The following TMX4 variants were observed in gnomAD, a reference collection of about 807,000 sequenced individuals.
TMX4 encodes the protein thioredoxin-related transmembrane protein 4.
A neutral mutation model predicts 33.3 loss-of-function variants in TMX4; 23 were observed. The observed-to-expected ratio is 0.69, with a 90% CI of 0.50 to 0.98. TMX4 has a LOEUF of 0.98. Among genes scored for constraint, TMX4 ranks in the 50% least tolerant of loss-of-function variants. The pLI is 0.00. For synonymous variants in TMX4, 164 were observed against 161.5 expected, an observed-to-expected ratio of 1.02 and a Z score of -0.12; for missense variants, 399 against 448.9, an observed-to-expected ratio of 0.89 and a Z score of 1.01.
intron 6 of TMX4, among the ~76,000 whole-genome samples, chr20:7,985,853 G>A (rs916987235): frequency 6.6e-6 from 1 of 152,108 alleles, no homozygotes; most frequent in Admixed American, 6.6e-5. Flanking sequence ...GTTTCCAAAG[G>A]AATCTAAGGC....
At position 7,992,504 on chromosome 20, in the gene TMX4, C is replaced by T. The variant is rs530690420; in HGVS notation, c.513+3522G>A. Among the ~76,000 whole-genome samples, 46 of 152,288 alleles carry T rather than the reference C, an allele frequency of 3.0e-4. 1 individual carries two copies. The highest frequency in any genetic ancestry group is 6.8e-3 in the Middle Eastern group (2 of 294). On this transcript the variant is annotated intron_variant, in intron 5 of 7. Transcript: ENST00000246024. ...CGAGGATCCCTGGGATTCAGGGTAA[C>T]AGCAGGAAGCTGACAGGAACTGCCT... is the stretch of plus-strand genomic sequence containing the variant.
At chr20:8,011,943 A>G (rs1200008731) in intron 1 of TMX4, among the ~76,000 whole-genome samples, 2 of 152,172 alleles carry the variant, frequency 1.3e-5, no homozygotes, top group Non-Finnish European at 2.9e-5. Context: ...GGCAAAGTAC[A>G]TTCTTGATAT....
In TMX4 at chr20:8,019,753, G is replaced by C. The variant is rs2050806759; in HGVS notation, c.-140C>G. On this transcript the variant is annotated 5_prime_UTR_variant, in exon 1 of 8. Transcript: ENST00000246024. Reference sequence around the variant, plus strand: ...CGCCTACGCCTAGCGGCGCAGACTGGCGGTGCTCGCAATGCCGCGGAGGAC... The same window carrying C: ...CGCCTACGCCTAGCGGCGCAGACTGCCGGTGCTCGCAATGCCGCGGAGGAC... The C allele has an allele frequency of 2.8e-6, 2 of 707,284 alleles. No homozygotes were observed. Among genetic ancestry groups the C allele is most frequent in the Non-Finnish European group, 4.0e-6 (2 of 504,914 alleles). 43.8% of individuals were successfully genotyped at this position (707,284 alleles called of 1,614,324 possible).
At chr20:8,015,782 A>G (rs767281824) in intron 1 of TMX4, among the ~76,000 whole-genome samples, 2 of 152,240 alleles carry the variant, frequency 1.3e-5, no homozygotes, top group Non-Finnish European at 1.5e-5. Context: ...TAGATGTCCT[A>G]TGGAAATAAA....
intron 1 of TMX4, among the ~76,000 whole-genome samples, chr20:8,017,552 C>CA (rs535293265): frequency 7.3e-5 from 11 of 150,228 alleles, no homozygotes; most frequent in African/African-American, 2.2e-4. Flanking sequence ...ATTCTATTAC[C>CA]AAAAAAAAAG....
At chr20:8,012,210 T>C (rs769096040) in intron 1 of TMX4, among the ~76,000 whole-genome samples, 12 of 152,128 alleles carry the variant, frequency 7.9e-5, no homozygotes, top group Non-Finnish European at 1.6e-4. Context: ...GAATTAATCA[T>C]GATATTCTGG....
Position 7,982,624 on chromosome 20 carries a change from A to G in TMX4, c.680-3T>C, listed in dbSNP as rs759168790. ...CTCCTCTGATCTCCGATTCTGCTCT[A>G]TGGAGGGAAGAAAGAGGAATATCCT... On this transcript the variant is annotated splice_polypyrimidine_tract_variant and splice_region_variant and intron_variant, in intron 7 of 7. Coordinates refer to ENST00000246024, the MANE Select transcript of TMX4 (RefSeq NM_021156.4). The G allele has an allele frequency of 1.9e-6, 3 of 1,605,414 alleles. No homozygotes were observed. Among genetic ancestry groups the G allele is most frequent in the South Asian group, 2.2e-5 (2 of 90,202 alleles).
At chr20:7,996,199 T>C in intron 4 of TMX4, 128 bp from the exon 5 acceptor site, 1 of 673,318 alleles carries the variant, frequency 1.5e-6, no homozygotes, top group South Asian at 2.0e-5. Context: ...CCCAGATTCA[T>C]ATCTGTTCTT....
chr20:8,000,608 C>T (rs1412180439), intron 3 of TMX4, among the ~76,000 whole-genome samples: 1 of 152,202 alleles, frequency 6.6e-6, no homozygotes, highest in Non-Finnish European at 1.5e-5. Flanking sequence ...TTCCTTCACT[C>T]ACTGTCTTCC....
At chr20:8,010,814 G>C (rs1037929588) in intron 1 of TMX4, among the ~76,000 whole-genome samples, 3 of 152,134 alleles carry the variant, frequency 2.0e-5, no homozygotes, top group Non-Finnish European at 4.4e-5. Context: ...TTCTGAAAAG[G>C]AAAGTAGAAG....
At chr20:8,005,813 C>G (rs958824174) in intron 2 of TMX4, among the ~76,000 whole-genome samples, 2 of 152,192 alleles carry the variant, frequency 1.3e-5, no homozygotes, top group South Asian at 4.1e-4. Flanking sequence ...TGGAGGACAG[C>G]CCAGCCGCTG....
chr20:7,999,955 C>T (rs1036094074), intron 3 of TMX4, 95 bp from the exon 4 acceptor site: 81 of 1,327,876 alleles, frequency 6.1e-5, no homozygotes, highest in Non-Finnish European at 7.1e-5. Flanking sequence ...TACATCTGAA[C>T]GCCATCTGAA....
At chr20:8,002,445 A>T (rs1291737167) in intron 2 of TMX4, among the ~76,000 whole-genome samples, 2 of 152,246 alleles carry the variant, frequency 1.3e-5, no homozygotes, top group East Asian at 1.9e-4. Flanking sequence ...GAATGAGACT[A>T]GGAGTAAAGA....
At chr20:7,989,164 T>C (rs2050643472) in intron 5 of TMX4, among the ~76,000 whole-genome samples, 1 of 152,180 alleles carries the variant, frequency 6.6e-6, no homozygotes. Flanking sequence ...TAGAAAATAC[T>C]GTGTATTAAG....
intron 3 of TMX4, among the ~76,000 whole-genome samples, 159 bp from the exon 4 acceptor site, chr20:8,000,019 A>G (rs2050697650): frequency 6.6e-6 from 1 of 152,214 alleles, no homozygotes; most frequent in Admixed American, 6.5e-5. Context: ...GAAAGAGTTA[A>G]TAAGCTTTAC....
In TMX4 at chr20:7,994,012, A is replaced by C. The variant is rs192147334; in HGVS notation, c.513+2014T>G. ...TAATCAAAAGGTTGAAAATAGAAAA[A>C]TTACTCCATGCAAATGCTTATAAAA... On this transcript the variant is annotated intron_variant, in intron 5 of 7. Transcript: ENST00000246024. Among the ~76,000 whole-genome samples, 4 of 152,158 alleles carry C rather than the reference A, an allele frequency of 2.6e-5. No homozygotes were observed. In the East Asian group the frequency reaches 7.7e-4, roughly 29 times the overall value.
intron 4 of TMX4, among the ~76,000 whole-genome samples, chr20:7,998,387 T>C (rs1415009804): frequency 6.6e-6 from 1 of 152,144 alleles, no homozygotes; most frequent in Admixed American, 6.5e-5. Context: ...TGGCCAAGCC[T>C]ACCTTCATAA....
chr20:8,019,235 G>C, intron 1 of TMX4: 1 of 598,496 alleles, frequency 1.7e-6, no homozygotes, highest in Non-Finnish European at 2.7e-6. Context: ...TGGTAAGGCG[G>C]GTCCGCGGAC....
At chr20:7,993,915 T>C (rs1444103663) in intron 5 of TMX4, among the ~76,000 whole-genome samples, 4 of 152,122 alleles carry the variant, frequency 2.6e-5, no homozygotes, top group African/African-American at 4.8e-5. Flanking sequence ...CCAATAAATA[T>C]AAATGGATTA....
Sources: allele counts gnomAD v4.1 joint callset (sites outside exome capture counted in the v4.1 genomes callset), GRCh38; gene constraint gnomAD v4.1.1; transcripts MANE v1.5; gene names NCBI Gene and HGNC (gene_info 2026-07-23, HGNC 2026-07-21).